MTERF2: variants seen among roughly 807,000 people sequenced by gnomAD.
MTERF2 encodes mitochondrial transcription termination factor 2, also known as transcription termination factor 2, mitochondrial.
In MTERF2, 23 loss-of-function variants were observed where a neutral mutation model predicts 29.2. The observed-to-expected ratio is 0.79, with a 90% CI of 0.57 to 1.12. The LOEUF is 1.12. MTERF2 is among the 50% of genes most tolerant of loss of function. The probability of loss-of-function intolerance (pLI) is 0.00; values close to 1 mark genes in which losing one functional copy is unlikely to be tolerated. For missense variants in MTERF2, 440 were observed against 429.4 expected (o/e 1.02, Z -0.22); for synonymous variants, 157 against 159.5 (o/e 0.98, Z 0.12).
chr12:106,983,443 ATAATG>A (rs1566233809), intron 2 of MTERF2, among the ~76,000 whole-genome samples: 1 of 152,224 alleles, frequency 6.6e-6, no homozygotes, highest in Non-Finnish European at 1.5e-5. Context: ...TTCATTTAGC[ATAATG>A]TTATCAAAGT....
At chr12:106,983,420 G>A (rs891846182) in intron 2 of MTERF2, among the ~76,000 whole-genome samples, 8 of 152,036 alleles carry the variant, frequency 5.3e-5, no homozygotes, top group Admixed American at 2.6e-4. Context: ...TTTGTCTTTC[G>A]TGTCTGGCTT....
chr12:106,978,215 C>T lies in MTERF2; in HGVS notation c.500G>A (p.Ser167Asn), dbSNP rs201685430. The change falls in exon 3 of 3, where the codon AGC (serine) becomes AAC (asparagine). Residue 167 changes from serine to asparagine, a missense_variant. Ser to Asn is a conservative substitution (Grantham distance 46). Transcript: ENST00000240050. Reference sequence around the variant, plus strand: ...ATTAGGTGCAGCTGTCAAAAGTCTGCTAATGACCACATTTTTTAGTCCCAA... The same window carrying T: ...ATTAGGTGCAGCTGTCAAAAGTCTGTTAATGACCACATTTTTTAGTCCCAA... ...QELGLKNVVI[S>N]RLLTAAPNVF... 11 of 1,613,774 alleles carry T rather than the reference C, an allele frequency of 6.8e-6. No individual in the cohort carries two copies. In the East Asian group the frequency reaches 2.5e-4, roughly 36 times the overall value.
rs774453821 is a variant in MTERF2, at chr12:106,977,587, G to T, written c.1128C>A (p.Asn376Lys). The stretch of plus-strand genomic sequence containing the variant: ...CTTCAACATTTAATGGTGCCACAGG[G>T]TTAAATAATGGCCTTACTTTTTTGG... ...IQAKKVRPLF[N>K]PVAPLNVEE is the part of the protein sequence containing the mutation. Residue 376 changes from asparagine to lysine, a missense_variant, in exon 3 of 3, where the codon AAC becomes AAA. Coordinates refer to ENST00000240050, the MANE Select transcript of MTERF2 (RefSeq NM_001033050.3). The T allele has an allele frequency of 1.2e-6, 2 of 1,613,002 alleles. No individual in the cohort carries two copies. Among genetic ancestry groups the T allele is most frequent in the South Asian group, 2.2e-5 (2 of 90,940 alleles).
intron 2 of MTERF2, among the ~76,000 whole-genome samples, chr12:106,979,860 A>G (rs1004065334): frequency 2.0e-5 from 3 of 152,158 alleles, no homozygotes; most frequent in African/African-American, 7.2e-5. Flanking sequence ...AGAATTAGAC[A>G]TAAGATACAT....
At position 106,977,985 on chromosome 12, in the gene MTERF2, T is replaced by C; in HGVS notation, c.730A>G (p.Ile244Val). ...LQEQGFTSFE[I>V]LQLLSKLKGF... ...TTGAGTTTGGATAGAAGCTGGAGAA[T>C]TTCAAAGCTGGTGAAACCTTGCTCC... The change falls in exon 3 of 3, where the codon ATT (isoleucine) becomes GTT (valine). Residue 244 changes from isoleucine to valine, a missense_variant. Transcript: ENST00000240050. The C allele has an allele frequency of 6.2e-7, 1 of 1,614,196 alleles. No individual in the cohort carries two copies.
At chr12:106,982,665 G>A (rs895852637) in intron 2 of MTERF2, among the ~76,000 whole-genome samples, 1 of 152,116 alleles carries the variant, frequency 6.6e-6, no homozygotes, top group Admixed American at 6.5e-5. Flanking sequence ...TCCTTATATT[G>A]AGCATTTAGG....
At chr12:106,986,316 A>C (rs1230569627) in intron 1 of MTERF2, 2 of 152,202 alleles carry the variant, frequency 1.3e-5, no homozygotes, top group Admixed American at 6.5e-5. Flanking sequence ...GTGACTGCAA[A>C]GATCAAACGA....
chr12:106,985,299 C>G (rs972597536), intron 1 of MTERF2, 74 bp from the exon 2 acceptor site: 1 of 152,272 alleles, frequency 6.6e-6, no homozygotes, highest in African/African-American at 2.4e-5. Flanking sequence ...CCTACAAGGC[C>G]TCTTTGGGCT....
Position 106,977,556 on chromosome 12 carries a change from G to C in MTERF2, c.*1C>G. On this transcript the variant is annotated 3_prime_UTR_variant, in exon 3 of 3. Coordinates refer to ENST00000240050, the MANE Select transcript of MTERF2 (RefSeq NM_001033050.3). ...AGAAAGAAGCAACAACAGTCAGTATGTCATTCTTCAACATTTAATGGTGCC... is the reference window on the plus strand; with the variant it reads ...AGAAAGAAGCAACAACAGTCAGTATCTCATTCTTCAACATTTAATGGTGCC... 6.2e-7 allele frequency: 1 copy of C among 1,602,258 alleles called. No individual in the cohort carries two copies. Among genetic ancestry groups the C allele is most frequent in the Non-Finnish European group, 8.5e-7 (1 of 1,175,130 alleles).
chr12:106,980,486 A>G (rs1423338870), intron 2 of MTERF2: 1 of 152,082 alleles, frequency 6.6e-6, no homozygotes, highest in Non-Finnish European at 1.5e-5. Flanking sequence ...TAAGAAACAG[A>G]AAGAAAGATC....
chr12:106,979,696 A>G (rs1459608174), intron 2 of MTERF2, among the ~76,000 whole-genome samples: 2 of 152,160 alleles, frequency 1.3e-5, no homozygotes, highest in African/African-American at 4.8e-5. Flanking sequence ...CAGCTGTGGA[A>G]TGGTGACTGT....
At chr12:106,980,483 CAGAAAG>C (rs1952042498) in intron 2 of MTERF2, 1 of 152,122 alleles carries the variant, frequency 6.6e-6, no homozygotes, top group African/African-American at 2.4e-5. Context: ...TTTTAAGAAA[CAGAAAG>C]AAAGATCTTA....
intron 2 of MTERF2, among the ~76,000 whole-genome samples, chr12:106,981,052 A>C (rs755741325): frequency 1.8e-4 from 27 of 152,238 alleles, no homozygotes; most frequent in Admixed American, 1.2e-3. Flanking sequence ...TTGAACAGGA[A>C]GGAGGCGGCG....
Position 106,978,462 on chromosome 12 carries a change from G to A in MTERF2, c.253C>T (p.Gln85Ter). Residue 85 changes from glutamine to a stop codon, truncating the protein, a stop_gained, in exon 3 of 3, where the codon CAA becomes TAA. Coordinates refer to ENST00000240050, the MANE Select transcript of MTERF2 (RefSeq NM_001033050.3). LOFTEE classifies it high-confidence loss of function. ...TYVEEIANILQELGADETAVA... is the reference protein window; with the variant it reads ...TYVEEIANIL The stretch of plus-strand genomic sequence containing the variant: ...GCAGTCTCATCGGCACCTAGTTCTT[G>A]TAAAATATTCGCAATTTCTTCAACA... 1.2e-6 allele frequency: 2 copies of A among 1,614,218 alleles called. No individual in the cohort carries two copies. Among genetic ancestry groups the A allele is most frequent in the Non-Finnish European group, 1.7e-6 (2 of 1,180,030 alleles).
intron 2 of MTERF2, among the ~76,000 whole-genome samples, chr12:106,980,321 A>G: frequency 6.6e-6 from 1 of 152,248 alleles, no homozygotes; most frequent in East Asian, 1.9e-4. Flanking sequence ...GCTGCGAAGA[A>G]GCAACCGAAT....
chr12:106,983,226 T>TA (rs1267231310), intron 2 of MTERF2, among the ~76,000 whole-genome samples: 16 of 152,318 alleles, frequency 1.1e-4, no homozygotes, highest in Admixed American at 1.0e-3. Context: ...TTCAGTGGCT[T>TA]AAAGTATAGT....
chr12:106,979,766 A>G (rs2136792839), intron 2 of MTERF2, among the ~76,000 whole-genome samples: 2 of 152,342 alleles, frequency 1.3e-5, no homozygotes, highest in South Asian at 4.1e-4. Flanking sequence ...TGAGATGGCT[A>G]TACTGTGTCT....
At chr12:106,980,134 G>T (rs1228932659) in intron 2 of MTERF2, among the ~76,000 whole-genome samples, 1 of 152,136 alleles carries the variant, frequency 6.6e-6, no homozygotes, top group African/African-American at 2.4e-5. Context: ...TTGACCTCGT[G>T]ATCTGCCCGT....
At position 106,987,068 on chromosome 12, in the gene MTERF2, G is replaced by A. The variant is rs1370810143; in HGVS notation, c.-268C>T. The A allele has an allele frequency of 6.6e-6, 1 of 152,620 alleles. No homozygotes were observed. Among genetic ancestry groups the A allele is most frequent in the East Asian group, 1.9e-4 (1 of 5,210 alleles). The allele number at this position is 152,620 out of a possible 1,614,324, so 9.5% of individuals were successfully genotyped here. On this transcript the variant is annotated 5_prime_UTR_variant, in exon 1 of 3. Coordinates refer to ENST00000240050, the MANE Select transcript of MTERF2 (RefSeq NM_001033050.3). ...AGCCTCCCCACAGTCCGCAGTCCCCGAGGCCTGGAGCCGGGATTTCGGTCC... is the reference window on the plus strand; with the variant it reads ...AGCCTCCCCACAGTCCGCAGTCCCCAAGGCCTGGAGCCGGGATTTCGGTCC...
Sources: allele counts gnomAD v4.1 joint callset (sites outside exome capture counted in the v4.1 genomes callset), GRCh38; gene constraint gnomAD v4.1.1; transcripts MANE v1.5; gene names NCBI Gene and HGNC (gene_info 2026-07-23, HGNC 2026-07-21).